The following ZFYVE9 variants were observed in gnomAD, a reference collection of about 807,000 sequenced individuals.
ZFYVE9 encodes zinc finger FYVE-type containing 9.
In ZFYVE9, 43 loss-of-function variants were observed where a neutral mutation model predicts 126.7. The observed-to-expected ratio is 0.34, with a 90% confidence interval of 0.27 to 0.44. ZFYVE9 has a LOEUF of 0.44. Ranked by LOEUF, ZFYVE9 falls within the 20% of genes least tolerant of loss-of-function variation. The pLI is 1.00. For missense variants in ZFYVE9, 1,476 were observed against 1,697.0 expected (o/e 0.87, Z 2.29); for synonymous variants, 521 against 597.4 (o/e 0.87, Z 1.87).
chr1:52,303,308 A>G (rs964586252), intron 12 of ZFYVE9, among the ~76,000 whole-genome samples: 21 of 152,222 alleles, frequency 1.4e-4, no homozygotes, highest in Non-Finnish European at 4.4e-5. Flanking sequence ...ATAAGAACCT[A>G]TGAAATCTAG....
At chr1:52,182,181 T>TC (rs1644715886) in intron 1 of ZFYVE9, among the ~76,000 whole-genome samples, 1 of 151,078 alleles carries the variant, frequency 6.6e-6, no homozygotes, top group Non-Finnish European at 1.5e-5. Context: ...GAGGGGCGCC[T>TC]CTGCCCGGCC....
At chr1:52,276,799 G>A (rs756221623) in intron 8 of ZFYVE9, among the ~76,000 whole-genome samples, 60 of 152,020 alleles carry the variant, frequency 3.9e-4, no homozygotes, top group Non-Finnish European at 1.0e-4. Flanking sequence ...ATAGACTGTT[G>A]GCTACATTAA....
chr1:52,204,596 G>A (rs1644955774), intron 1 of ZFYVE9, among the ~76,000 whole-genome samples: 1 of 151,978 alleles, frequency 6.6e-6, no homozygotes, highest in Non-Finnish European at 1.5e-5. Flanking sequence ...GCATGGTTGC[G>A]TGTGCCTGTA....
intron 8 of ZFYVE9, among the ~76,000 whole-genome samples, chr1:52,276,761 C>A (rs984464650): frequency 6.6e-6 from 1 of 152,182 alleles, no homozygotes; most frequent in Non-Finnish European, 1.5e-5. Context: ...TGATTTGCTT[C>A]ATTATCTCTG....
At chr1:52,270,486 G>C (rs531403292) in intron 7 of ZFYVE9, among the ~76,000 whole-genome samples, 34 of 152,194 alleles carry the variant, frequency 2.2e-4, no homozygotes, top group African/African-American at 7.7e-4. Context: ...GGATGGTCTC[G>C]ATCTCCTGAC....
At chr1:52,261,377 A>C (rs565369014) in intron 4 of ZFYVE9, among the ~76,000 whole-genome samples, 2 of 152,122 alleles carry the variant, frequency 1.3e-5, no homozygotes, top group South Asian at 4.1e-4. Context: ...AGCTGGGACA[A>C]TAGGTGTACT....
At chr1:52,333,854 G>A (rs1221407257) in intron 14 of ZFYVE9, among the ~76,000 whole-genome samples, 1 of 151,890 alleles carries the variant, frequency 6.6e-6, no homozygotes, top group Non-Finnish European at 1.5e-5. Context: ...ACTTTGGGAG[G>A]CCGAGGTGGG....
rs541755540 is a variant in ZFYVE9, at chr1:52,290,832, T to G, written c.3026-2621T>G. On this transcript the variant is annotated intron_variant, in intron 10 of 18. Coordinates refer to ENST00000287727, the MANE Select transcript of ZFYVE9 (RefSeq NM_004799.4). ...TTATAATTTTTTGAGAATACAGTGT[T>G]GCTGGTCCTGTTAGGCATTTTATAG... is the stretch of plus-strand genomic sequence containing the variant. 2.6e-5 allele frequency among the ~76,000 whole-genome samples: 4 copies of G among 152,334 alleles called. No individual in the cohort carries two copies. In the South Asian group the frequency reaches 8.3e-4, roughly 32 times the overall value.
At chr1:52,157,369 T>G (rs1361423775) in intron 1 of ZFYVE9, among the ~76,000 whole-genome samples, 1 of 151,624 alleles carries the variant, frequency 6.6e-6, no homozygotes, top group Non-Finnish European at 1.5e-5. Flanking sequence ...ATCTGTCTGT[T>G]TTTTTCCTTA....
At chr1:52,225,769 T>C (rs1388984461) in intron 2 of ZFYVE9, among the ~76,000 whole-genome samples, 2 of 152,094 alleles carry the variant, frequency 1.3e-5, no homozygotes, top group Admixed American at 6.5e-5. Flanking sequence ...TCTCAGTTTA[T>C]TTAGAAAGTT....
chr1:52,198,703 T>C (rs1279717824), intron 1 of ZFYVE9, among the ~76,000 whole-genome samples: 5 of 152,190 alleles, frequency 3.3e-5, no homozygotes, highest in Admixed American at 2.6e-4. Flanking sequence ...ATAACGCTGC[T>C]TTATATATAC....
At chr1:52,272,889 T>C (rs1645708303) in intron 7 of ZFYVE9, among the ~76,000 whole-genome samples, 1 of 152,150 alleles carries the variant, frequency 6.6e-6, no homozygotes, top group Non-Finnish European at 1.5e-5. Context: ...GTTGAACTCC[T>C]GTCCTTAAAC....
chr1:52,284,916 A>G (rs559820857), intron 10 of ZFYVE9, among the ~76,000 whole-genome samples: 1 of 152,192 alleles, frequency 6.6e-6, no homozygotes, highest in Non-Finnish European at 1.5e-5. Context: ...ATATATGTAT[A>G]TCTAAGGAAA....
intron 13 of ZFYVE9, among the ~76,000 whole-genome samples, chr1:52,311,298 CTT>C (rs1646135062): frequency 7.6e-6 from 1 of 131,246 alleles, no homozygotes; most frequent in African/African-American, 2.9e-5. Flanking sequence ...GAGTTTCACT[CTT>C]GTCACCCAGG....
intron 9 of ZFYVE9, 91 bp downstream of exon 9, chr1:52,278,705 A>T: frequency 7.1e-6 from 6 of 849,868 alleles, no homozygotes; most frequent in Non-Finnish European, 1.0e-5. Context: ...AAGTATTTTT[A>T]TATAGAGCCA....
intron 3 of ZFYVE9, among the ~76,000 whole-genome samples, chr1:52,234,815 A>C (rs1163811756): frequency 4.6e-5 from 7 of 152,198 alleles, no homozygotes; most frequent in South Asian, 2.1e-4. Context: ...TTATTTTCTG[A>C]GTTTCAACTG....
chr1:52,333,228 A>G (rs2147870482), intron 14 of ZFYVE9, among the ~76,000 whole-genome samples: 1 of 151,966 alleles, frequency 6.6e-6, no homozygotes, highest in Non-Finnish European at 1.5e-5. Context: ...TGGCATGTGT[A>G]TACGTATGTA....
chr1:52,232,500 G>C (rs1482257470), intron 2 of ZFYVE9, among the ~76,000 whole-genome samples: 14 of 151,974 alleles, frequency 9.2e-5, no homozygotes, highest in Admixed American at 9.2e-4. Context: ...AGACTGAGGT[G>C]GGCGGATCAC....
intron 12 of ZFYVE9, among the ~76,000 whole-genome samples, chr1:52,300,555 C>CA (rs1280768616): frequency 6.6e-6 from 1 of 151,340 alleles, no homozygotes; most frequent in African/African-American, 2.4e-5. Flanking sequence ...CGTGCCACTG[C>CA]ATTCCAGCCT....
Sources: allele counts gnomAD v4.1 joint callset (sites outside exome capture counted in the v4.1 genomes callset), GRCh38; gene constraint gnomAD v4.1.1; transcripts MANE v1.5; gene names NCBI Gene and HGNC (gene_info 2026-07-23, HGNC 2026-07-21).